ERBB4: variants seen among roughly 807,000 people sequenced by gnomAD.
ERBB4 encodes erb-b2 receptor tyrosine kinase 4.
Under a neutral mutation model 158.0 loss-of-function variants are expected in ERBB4, and 42 were observed. The observed-to-expected ratio is 0.27, with a 90% CI of 0.21 to 0.34. The LOEUF (loss-of-function observed/expected upper bound fraction) is 0.34. ERBB4 is among the 10% of genes least tolerant of loss of function. ERBB4 has a pLI of 1.00. For missense variants in ERBB4, 1,333 were observed against 1,624.1 expected (o/e 0.82, Z 3.08); for synonymous variants, 583 against 558.7 (o/e 1.04, Z -0.61).
chr2:212,007,513 CAAT>C (rs2076286734), intron 2 of ERBB4, among the ~76,000 whole-genome samples: 1 of 151,704 alleles, frequency 6.6e-6, no homozygotes, highest in South Asian at 2.1e-4. Flanking sequence ...GTTTTTTAAT[CAAT>C]AAAGAGAATA....
At chr2:211,875,351 G>C (rs1360024165) in intron 3 of ERBB4, among the ~76,000 whole-genome samples, 4 of 152,202 alleles carry the variant, frequency 2.6e-5, no homozygotes, top group Middle Eastern at 6.8e-3. Flanking sequence ...AGAGTCTTTA[G>C]CTTTCCCTGT....
intron 1 of ERBB4, among the ~76,000 whole-genome samples, chr2:212,377,639 G>A (rs1241352620): frequency 6.6e-6 from 1 of 151,888 alleles, no homozygotes; most frequent in Non-Finnish European, 1.5e-5. Flanking sequence ...GTTGCTCTAG[G>A]TGAGTCAATG....
At chr2:211,862,779 A>G (rs1299703890) in intron 3 of ERBB4, among the ~76,000 whole-genome samples, 2 of 152,222 alleles carry the variant, frequency 1.3e-5, no homozygotes, top group African/African-American at 2.4e-5. Flanking sequence ...GAGTAAGATA[A>G]TACCATAAAA....
At chr2:212,134,559 T>C (rs1041824662) in intron 1 of ERBB4, among the ~76,000 whole-genome samples, 1 of 151,978 alleles carries the variant, frequency 6.6e-6, no homozygotes, top group Non-Finnish European at 1.5e-5. Flanking sequence ...AGTGTAAAAA[T>C]TGGTATCCTT....
chr2:212,412,593 T>C (rs1396468958), intron 1 of ERBB4, among the ~76,000 whole-genome samples: 1 of 152,198 alleles, frequency 6.6e-6, no homozygotes, highest in East Asian at 1.9e-4. Flanking sequence ...CTCTTTTCTT[T>C]ATAAATTTCC....
At chr2:212,206,910 T>C (rs1418396075) in intron 1 of ERBB4, among the ~76,000 whole-genome samples, 2 of 151,968 alleles carry the variant, frequency 1.3e-5, no homozygotes, top group Admixed American at 6.6e-5. Flanking sequence ...TTCTTAAATG[T>C]TTCTTTTACT....
chr2:212,068,992 C>T (rs1228880900), intron 2 of ERBB4, among the ~76,000 whole-genome samples: 1 of 152,088 alleles, frequency 6.6e-6, no homozygotes, highest in East Asian at 1.9e-4. Context: ...GCTCTCTTGC[C>T]TGCCACCATG....
chr2:211,633,976 T>C (rs1381563194), intron 16 of ERBB4, among the ~76,000 whole-genome samples: 2 of 152,206 alleles, frequency 1.3e-5, no homozygotes, highest in Non-Finnish European at 2.9e-5. Flanking sequence ...CTGGCCAACA[T>C]GGCGAAACCC....
chr2:212,047,958 A>G (rs1470680339), intron 2 of ERBB4, among the ~76,000 whole-genome samples: 1 of 152,238 alleles, frequency 6.6e-6, no homozygotes, highest in African/African-American at 2.4e-5. Flanking sequence ...GCAAAGTGAT[A>G]TAATGAGATT....
intron 19 of ERBB4, among the ~76,000 whole-genome samples, chr2:211,573,608 T>A (rs1018828992): frequency 6.6e-6 from 1 of 152,068 alleles, no homozygotes; most frequent in African/African-American, 2.4e-5. Flanking sequence ...AGGCGGAGCT[T>A]GCAGTGAGCC....
chr2:212,252,954 T>C (rs1488841262), intron 1 of ERBB4, among the ~76,000 whole-genome samples: 2 of 152,152 alleles, frequency 1.3e-5, no homozygotes, highest in Admixed American at 6.6e-5. Context: ...TGAGTGAGCA[T>C]CTTGTGGGAA....
chr2:211,647,129 A>C (rs2105871038), intron 16 of ERBB4, among the ~76,000 whole-genome samples: 1 of 151,780 alleles, frequency 6.6e-6, no homozygotes, highest in Middle Eastern at 3.4e-3. Flanking sequence ...TCAATAAAAT[A>C]ATGAAGGAGG....
intron 2 of ERBB4, among the ~76,000 whole-genome samples, chr2:211,949,767 T>C (rs2125144970): frequency 6.6e-6 from 1 of 152,314 alleles, no homozygotes; most frequent in South Asian, 2.1e-4. Context: ...TTTGCTCAAA[T>C]ATCACCTTCT....
chr2:211,429,206 A>G lies in ERBB4; in HGVS notation c.2644-723T>C, dbSNP rs367588684. On this transcript the variant is annotated intron_variant, in intron 21 of 27. Transcript: ENST00000342788. Reference sequence around the variant, plus strand: ...GTTTATAGTTTTTTCTCAAAAAATGAGATTTGTTATACTTTCAGTTATCCC... The same window carrying G: ...GTTTATAGTTTTTTCTCAAAAAATGGGATTTGTTATACTTTCAGTTATCCC... 3.9e-5 allele frequency among the ~76,000 whole-genome samples: 6 copies of G among 152,222 alleles called. No homozygotes were observed. In the East Asian group the frequency reaches 1.2e-3, roughly 29 times the overall value.
At position 212,506,727 on chromosome 2, in the gene ERBB4, TTGGTTCATGAGGTTTAAGGATAGAAGC is replaced by T. The variant is rs1691216291; in HGVS notation, c.82+31695_82+31721del. Among the ~76,000 whole-genome samples the T allele has an allele frequency of 3.9e-5, 6 of 152,174 alleles. No individual in the cohort carries two copies. The South Asian group carries it at 6.2e-4, about 16-fold the overall frequency. On this transcript the variant is annotated intron_variant, in intron 1 of 27. Transcript: ENST00000342788. ...AAGAAAAGTTGGAAGCTAGCCGAGA[TTGGTTCATGAGGTTTAAGGATAGAAGC>T]TGGTTCATGAGGTTTAAGGATAGAA...
intron 19 of ERBB4, among the ~76,000 whole-genome samples, chr2:211,569,067 C>T (rs536651243): frequency 6.6e-6 from 1 of 152,296 alleles, no homozygotes; most frequent in Admixed American, 6.5e-5. Context: ...TTACCACTCC[C>T]TTCCAATCCT....
intron 2 of ERBB4, among the ~76,000 whole-genome samples, chr2:211,948,180 T>C (rs781732451): frequency 2.0e-5 from 3 of 152,136 alleles, no homozygotes; most frequent in Non-Finnish European, 4.4e-5. Flanking sequence ...CTCATGCCTG[T>C]AATCCCAGCA....
At chr2:212,468,956 T>C (rs1688980932) in intron 1 of ERBB4, among the ~76,000 whole-genome samples, 1 of 152,226 alleles carries the variant, frequency 6.6e-6, no homozygotes, top group East Asian at 1.9e-4. Context: ...ATCTTCTCTC[T>C]GTATCAGTAG....
chr2:211,717,128 A>C lies in ERBB4; in HGVS notation c.884-3480T>G, dbSNP rs151086713. On this transcript the variant is annotated intron_variant, in intron 7 of 27. Transcript: ENST00000342788. ...AAAGGGAAAGCACCAAAAAAACTCC[A>C]AGAAAGCATAGTTTTGACTGTCTTT... is the stretch of plus-strand genomic sequence containing the variant. 2.0e-5 allele frequency among the ~76,000 whole-genome samples: 3 copies of C among 152,326 alleles called. No homozygotes were observed. In the East Asian group the frequency reaches 5.8e-4, roughly 29 times the overall value.
Sources: gnomAD v4.1 joint callset for allele counts (sites outside exome capture counted in the v4.1 genomes callset) on GRCh38, gnomAD v4.1.1 for gene constraint, MANE v1.5 for transcripts, NCBI Gene and HGNC (gene_info 2026-07-23, HGNC 2026-07-21) for gene names.